Variants in RANBP2 observed in about 807,000 individuals in gnomAD.
RANBP2 encodes RAN binding protein 2.
RANBP2 carries 57 observed loss-of-function variants against 303.6 expected under a neutral mutation model. That is an observed-to-expected ratio of 0.19 (90% CI 0.15 to 0.23). The LOEUF (loss-of-function observed/expected upper bound fraction) is 0.23. Ranked by LOEUF, RANBP2 falls within the 10% of genes least tolerant of loss-of-function variation. The pLI is 1.00. For missense variants in RANBP2, 3,138 were observed against 3,780.8 expected (o/e 0.83, Z 4.46); for synonymous variants, 1,167 against 1,301.5 (o/e 0.90, Z 2.23).
At chr2:109,398,670 C>T in the RANBP2 span, 15 of 1,608,516 alleles carry the variant, frequency 9.3e-6, no homozygotes, top group East Asian at 3.4e-4. Context: ...CCTCCCTGCC[C>T]TCTGACTCCG....
At chr2:109,237,398 GCA>G in the RANBP2 span, among the ~76,000 whole-genome samples, 3 of 152,182 alleles carry the variant, frequency 2.0e-5, no homozygotes, top group Non-Finnish European at 2.9e-5. Flanking sequence ...ATAAAAAAGT[GCA>G]CAGTCTTAAC....
At chr2:109,059,128 C>G in the RANBP2 span, among the ~76,000 whole-genome samples, 10 of 152,270 alleles carry the variant, frequency 6.6e-5, no homozygotes, top group Non-Finnish European at 1.5e-4. Flanking sequence ...GGGGACCCTC[C>G]TCCACAGCTT....
the RANBP2 span, among the ~76,000 whole-genome samples, chr2:109,019,580 C>T: frequency 2.0e-5 from 3 of 152,196 alleles, no homozygotes; most frequent in Admixed American, 6.5e-5. Context: ...GAAGAACACC[C>T]GACATGGGTG....
At chr2:108,753,261 A>G (rs1676047096) in intron 13 of RANBP2, 102 bp downstream of exon 13, 1 of 1,605,840 alleles carries the variant, frequency 6.2e-7, no homozygotes, top group East Asian at 2.2e-5. Context: ...TTGTTATTTA[A>G]TGGTAATCTT....
the RANBP2 span, among the ~76,000 whole-genome samples, chr2:108,984,961 GA>G: frequency 2.0e-5 from 3 of 152,184 alleles, no homozygotes; most frequent in Non-Finnish European, 4.4e-5. Context: ...ATGGCAAATG[GA>G]AGTTTTAAGA....
chr2:109,438,572 C>G, the RANBP2 span, among the ~76,000 whole-genome samples: 7 of 152,160 alleles, frequency 4.6e-5, no homozygotes, highest in African/African-American at 1.7e-4. Flanking sequence ...CTTAAATCAG[C>G]TAAGAATGAT....
chr2:109,731,709 ACTC>A, the RANBP2 span, among the ~76,000 whole-genome samples: 1 of 150,368 alleles, frequency 6.7e-6, no homozygotes, highest in Non-Finnish European at 1.5e-5. Flanking sequence ...CTGGTCTTGA[ACTC>A]CTGACCTCAG....
chr2:109,661,774 G>A, the RANBP2 span, among the ~76,000 whole-genome samples: 1 of 152,182 alleles, frequency 6.6e-6, no homozygotes, highest in African/African-American at 2.4e-5. Flanking sequence ...ATGCCCTACA[G>A]GTAAACCTGT....
chr2:109,001,948 T>G, the RANBP2 span, among the ~76,000 whole-genome samples: 1 of 152,040 alleles, frequency 6.6e-6, no homozygotes, highest in Non-Finnish European at 1.5e-5. Context: ...GCCAGGATGG[T>G]CTCGATCTCC....
At chr2:109,499,169 C>T in the RANBP2 span, among the ~76,000 whole-genome samples, 612 of 152,308 alleles carry the variant, frequency 4.0e-3, 24 homozygotes, top group South Asian at 0.095. Flanking sequence ...GAGACCTGCA[C>T]GGAGGCCACC....
At chr2:108,908,806 A>G in the RANBP2 span, among the ~76,000 whole-genome samples, 1 of 152,180 alleles carries the variant, frequency 6.6e-6, no homozygotes, top group East Asian at 1.9e-4. Context: ...AAAAAGGATT[A>G]TATTTGTTAG....
chr2:108,980,801 C>T, the RANBP2 span, among the ~76,000 whole-genome samples: 5 of 152,148 alleles, frequency 3.3e-5, no homozygotes, highest in African/African-American at 1.2e-4. Context: ...CACGGTGTCA[C>T]TGGTGGGGAG....
chr2:109,220,800 G>T, the RANBP2 span, among the ~76,000 whole-genome samples: 1 of 152,216 alleles, frequency 6.6e-6, no homozygotes, highest in Admixed American at 6.5e-5. Flanking sequence ...TGTTATGCTA[G>T]TGGGCATATA....
chr2:108,722,902 AAAAG>A (rs1264366717), intron 1 of RANBP2, among the ~76,000 whole-genome samples: 1 of 152,104 alleles, frequency 6.6e-6, no homozygotes, highest in African/African-American at 2.4e-5. Flanking sequence ...AAAAAAGAAA[AAAAG>A]AAAAAAAAAT....
the RANBP2 span, among the ~76,000 whole-genome samples, chr2:108,808,452 T>C: frequency 1.3e-5 from 2 of 152,214 alleles, no homozygotes; most frequent in African/African-American, 4.8e-5. Context: ...TTTTTCGTAA[T>C]GGCTGTGCTA....
At chr2:109,027,087 CA>C in the RANBP2 span, among the ~76,000 whole-genome samples, 1 of 151,948 alleles carries the variant, frequency 6.6e-6, no homozygotes, top group Non-Finnish European at 1.5e-5. Flanking sequence ...ACTAGAAATA[CA>C]AAAATTAGTT....
chr2:109,148,340 CATCCG>C, the RANBP2 span, among the ~76,000 whole-genome samples: 1 of 152,230 alleles, frequency 6.6e-6, no homozygotes, highest in Admixed American at 6.5e-5. Flanking sequence ...GCCAGAGCGC[CATCCG>C]TGGTTCTTCA....
chr2:108,878,903 G>A, the RANBP2 span, among the ~76,000 whole-genome samples: 16 of 152,106 alleles, frequency 1.1e-4, no homozygotes, highest in Non-Finnish European at 2.1e-4. Flanking sequence ...ATTAAAAATA[G>A]CATAAATATT....
the RANBP2 span, among the ~76,000 whole-genome samples, chr2:108,984,446 T>C: frequency 6.6e-6 from 1 of 152,078 alleles, no homozygotes; most frequent in Non-Finnish European, 1.5e-5. Flanking sequence ...CACGGCCCGC[T>C]CAGGCTCCTG....
Sources: gnomAD v4.1 joint callset for allele counts (sites outside exome capture counted in the v4.1 genomes callset) on GRCh38, gnomAD v4.1.1 for gene constraint, MANE v1.5 for transcripts, NCBI Gene and HGNC (gene_info 2026-07-23, HGNC 2026-07-21) for gene names.